The following ZCWPW2 variants were observed in gnomAD, a reference collection of about 807,000 sequenced individuals.
The protein encoded by ZCWPW2 is zinc finger CW-type and PWWP domain containing 2.
In ZCWPW2, 45 loss-of-function variants were observed where a neutral mutation model predicts 46.6. The observed-to-expected ratio is 0.96, with a 90% confidence interval of 0.76 to 1.24. ZCWPW2 has a LOEUF of 1.24. Among genes scored for constraint, ZCWPW2 ranks in the 50% most tolerant of loss-of-function variants. The pLI is 0.00. For missense variants in ZCWPW2, 429 were observed against 403.9 expected, an observed-to-expected ratio of 1.06 and a Z score of -0.53; for synonymous variants, 152 against 137.1, an observed-to-expected ratio of 1.11 and a Z score of -0.76.
intron 3 of ZCWPW2, among the ~76,000 whole-genome samples, chr3:28,416,911 G>A (rs1185177081): frequency 6.4e-5 from 9 of 140,196 alleles, no homozygotes; most frequent in African/African-American, 1.9e-4. Flanking sequence ...TGCTGGATTC[G>A]GTTTGCCAGT....
intron 1 of ZCWPW2, among the ~76,000 whole-genome samples, chr3:28,387,301 A>G (rs189856042): frequency 2.6e-5 from 4 of 152,174 alleles, no homozygotes; most frequent in Admixed American, 2.6e-4. Flanking sequence ...GTCTTCTTTC[A>G]TGGAAGGATT....
At chr3:28,495,360 C>T (rs1322320750) in intron 6 of ZCWPW2, among the ~76,000 whole-genome samples, 1 of 152,058 alleles carries the variant, frequency 6.6e-6, no homozygotes, top group East Asian at 1.9e-4. Flanking sequence ...TGAAGTAGTG[C>T]AGTATTGTTA....
At chr3:28,422,091 G>A (rs1696815527) in intron 3 of ZCWPW2, among the ~76,000 whole-genome samples, 1 of 152,016 alleles carries the variant, frequency 6.6e-6, no homozygotes, top group Non-Finnish European at 1.5e-5. Flanking sequence ...TGAGTGGAAA[G>A]TATGGAGAGT....
At position 28,349,185 on chromosome 3, in the gene ZCWPW2, G is replaced by A; in HGVS notation, c.-152G>A. ...GCGGGGCCGCGGGACGCCAGGAGGC[G>A]GAGGCGGAGTGGAGTTAGGTAAGAG... On this transcript the variant is annotated 5_prime_UTR_variant, in exon 1 of 10. Transcript: ENST00000383768. 2.0e-6 allele frequency: 2 copies of A among 985,708 alleles called. No individual in the cohort carries two copies. The highest frequency in any genetic ancestry group is 9.4e-5 in the South Asian group (2 of 21,304). The allele number at this position is 985,708 out of a possible 1,614,324, so 61.1% of individuals were successfully genotyped here.
intron 1 of ZCWPW2, among the ~76,000 whole-genome samples, chr3:28,382,926 A>G (rs1374227654): frequency 6.6e-6 from 1 of 152,176 alleles, no homozygotes; most frequent in Non-Finnish European, 1.5e-5. Flanking sequence ...CCTCATAATA[A>G]TAAATTTATA....
At chr3:28,519,564 A>T (rs1700664028) in intron 8 of ZCWPW2, among the ~76,000 whole-genome samples, 1 of 152,072 alleles carries the variant, frequency 6.6e-6, no homozygotes, top group African/African-American at 2.4e-5. Context: ...AGAATTTAAA[A>T]TTTTCCTACT....
At chr3:28,405,550 A>G (rs1016743825) in intron 2 of ZCWPW2, among the ~76,000 whole-genome samples, 5 of 152,144 alleles carry the variant, frequency 3.3e-5, no homozygotes, top group Non-Finnish European at 7.4e-5. Flanking sequence ...ATCTTGGCTC[A>G]CTGCAACCTC....
intron 1 of ZCWPW2, among the ~76,000 whole-genome samples, chr3:28,356,234 A>G (rs184618914): frequency 6.6e-5 from 10 of 152,376 alleles, no homozygotes; most frequent in Admixed American, 1.3e-4. Flanking sequence ...TTATGCAGCC[A>G]AAGGACACAT....
intron 5 of ZCWPW2, among the ~76,000 whole-genome samples, chr3:28,481,305 G>A (rs1054166069): frequency 3.3e-5 from 5 of 151,976 alleles, no homozygotes; most frequent in African/African-American, 7.3e-5. Flanking sequence ...GTGCAGTGGC[G>A]CGATCTTGGC....
chr3:28,436,291 C>T (rs1177478538), intron 4 of ZCWPW2, among the ~76,000 whole-genome samples: 2 of 146,282 alleles, frequency 1.4e-5, no homozygotes, highest in Admixed American at 6.9e-5. Context: ...ATGTGGATAC[C>T]TTTTACTCAA....
intron 6 of ZCWPW2, among the ~76,000 whole-genome samples, chr3:28,498,272 TATTCAGGAAACA>T: frequency 1.4e-5 from 2 of 147,852 alleles, no homozygotes; most frequent in African/African-American, 5.0e-5. Flanking sequence ...TGTGTGTGTG[TATTCAGGAAACA>T]GTGTACTGTG....
intron 3 of ZCWPW2, among the ~76,000 whole-genome samples, chr3:28,433,628 C>T (rs1387383416): frequency 1.3e-5 from 2 of 151,792 alleles, no homozygotes; most frequent in Non-Finnish European, 2.9e-5. Flanking sequence ...TGGTGGCAGG[C>T]GCCTGTAATC....
At position 28,384,610 on chromosome 3, in the gene ZCWPW2, C is replaced by CTTT. The variant is rs201820223; in HGVS notation, c.-133-5887_-133-5885dup. Among the ~76,000 whole-genome samples the CTTT allele has an allele frequency of 1.1e-4, 16 of 143,558 alleles. 1 individual carries two copies. Among genetic ancestry groups the CTTT allele is most frequent in the African/African-American group, 1.3e-4 (5 of 39,246 alleles). The allele number at this position is 143,558 out of a possible 152,430, so 94.2% of individuals were successfully genotyped here. ...GACACATTCAAGTTGACCAATCTTT[C>CTTT]TTTCTTTTTTTTTTTTTTTTGAGAC... On this transcript the variant is annotated intron_variant, in intron 1 of 9. Transcript: ENST00000383768.
chr3:28,384,117 G>T (rs1355412189), intron 1 of ZCWPW2, among the ~76,000 whole-genome samples: 1 of 151,962 alleles, frequency 6.6e-6, no homozygotes, highest in Non-Finnish European at 1.5e-5. Context: ...ATTTCTGCTG[G>T]TATTAATAGT....
chr3:28,361,936 G>T (rs1239086822), intron 1 of ZCWPW2, among the ~76,000 whole-genome samples: 2 of 152,116 alleles, frequency 1.3e-5, no homozygotes, highest in African/African-American at 4.8e-5. Context: ...AATGTAAAGT[G>T]GTGTAGCTGC....
chr3:28,426,400 A>G (rs1209566376), intron 3 of ZCWPW2, among the ~76,000 whole-genome samples: 1 of 152,026 alleles, frequency 6.6e-6, no homozygotes, highest in African/African-American at 2.4e-5. Flanking sequence ...GAATGTTTAC[A>G]CAGATATTTG....
chr3:28,512,165 A>C (rs1211406885), intron 6 of ZCWPW2, among the ~76,000 whole-genome samples: 1 of 151,540 alleles, frequency 6.6e-6, no homozygotes, highest in Non-Finnish European at 1.5e-5. Flanking sequence ...ACAAATTGAC[A>C]TGAAAAATTC....
intron 4 of ZCWPW2, among the ~76,000 whole-genome samples, chr3:28,467,988 G>T (rs1201319364): frequency 6.6e-6 from 1 of 152,044 alleles, no homozygotes; most frequent in Non-Finnish European, 1.5e-5. Flanking sequence ...TAAAGCAACA[G>T]GGACTAATCC....
At position 28,360,454 on chromosome 3, in the gene ZCWPW2, C is replaced by T. The variant is rs112507128; in HGVS notation, c.-134+11251C>T. 7.6e-3 allele frequency among the ~76,000 whole-genome samples: 1,126 copies of T among 148,234 alleles called. 17 individuals carry two copies. Among genetic ancestry groups the T allele is most frequent in the African/African-American group, 0.027 (1,063 of 40,032 alleles). On this transcript the variant is annotated intron_variant, in intron 1 of 9. Coordinates refer to ENST00000383768, the MANE Select transcript of ZCWPW2 (RefSeq NM_001040432.4). Reference sequence around the variant, plus strand: ...AAGAGAATGGCATCAACCCAGGAGGCGGAGCTTGCAGTGAGTCGAGATTGC... The same window carrying T: ...AAGAGAATGGCATCAACCCAGGAGGTGGAGCTTGCAGTGAGTCGAGATTGC...
Sources: gnomAD v4.1 joint callset for allele counts (sites outside exome capture counted in the v4.1 genomes callset) on GRCh38, gnomAD v4.1.1 for gene constraint, MANE v1.5 for transcripts, NCBI Gene and HGNC (gene_info 2026-07-23, HGNC 2026-07-21) for gene names.